The following DPF2 variants were observed in gnomAD, a reference collection of about 807,000 sequenced individuals.
DPF2 encodes zinc finger protein ubi-d4.
In DPF2, 10 loss-of-function variants were observed where a neutral mutation model predicts 59.6. That is an observed-to-expected ratio of 0.17 (90% CI 0.10 to 0.28). DPF2 has a LOEUF of 0.28. DPF2 is among the 10% of genes least tolerant of loss of function. The pLI, the probability that DPF2 is intolerant of heterozygous loss-of-function variation, is 1.00. For missense variants in DPF2, 315 were observed against 509.4 expected (o/e 0.62, Z 3.67); for synonymous variants, 189 against 190.6 (o/e 0.99, Z 0.07).
intron 1 of DPF2, among the ~76,000 whole-genome samples, chr11:65,335,075 G>GT (rs1198760608): frequency 3.1e-3 from 77 of 24,562 alleles, no homozygotes; most frequent in South Asian, 5.8e-3. Context: ...TCCTCTTGTG[G>GT]TTTGTTTTTT....
chr11:65,345,418 G>T (rs1426758313), intron 6 of DPF2: 9 of 524,840 alleles, frequency 1.7e-5, no homozygotes, highest in East Asian at 1.6e-4. Flanking sequence ...AAGTCAACAT[G>T]GAAGAGCAGT....
chr11:65,343,549 G>T, intron 4 of DPF2, 196 bp from the exon 5 acceptor site: 1 of 591,470 alleles, frequency 1.7e-6, no homozygotes, highest in East Asian at 2.8e-5. Context: ...GTGAAGCACA[G>T]GGGAAAGATA....
At chr11:65,349,023 A>C in intron 10 of DPF2, 92 bp downstream of exon 10, 1 of 1,434,094 alleles carries the variant, frequency 7.0e-7, no homozygotes, top group Non-Finnish European at 9.7e-7. Context: ...TCACTTACAT[A>C]TTCTTCCAAA....
chr11:65,337,474 A>AAAAAAAAT (rs1555029114), intron 1 of DPF2, among the ~76,000 whole-genome samples: 1 of 46,480 alleles, frequency 2.2e-5, no homozygotes, highest in African/African-American at 9.8e-5. Context: ...AAAAAAAAAA[A>AAAAAAAAT]ATATATATAT....
rs555296733 is a variant in DPF2, at chr11:65,351,982, G to A, written c.*223G>A. On this transcript the variant is annotated 3_prime_UTR_variant, in exon 11 of 11. Coordinates refer to ENST00000528416, the MANE Select transcript of DPF2 (RefSeq NM_006268.5). ...AAGGAGCAACACACTGCCCCTAGGC[G>A]TGCGTGTGGCCCAGTTTCTCTCTGC... is the stretch of plus-strand genomic sequence containing the variant. 1.7e-5 allele frequency: 10 copies of A among 580,264 alleles called. No individual in the cohort carries two copies. Among genetic ancestry groups the A allele is most frequent in the South Asian group, 6.1e-5 (3 of 48,984 alleles). 35.9% of individuals were successfully genotyped at this position (580,264 alleles called of 1,614,324 possible). A position where few individuals can be genotyped will look rare whatever the true frequency, so the allele number is the denominator to read the frequency against.
chr11:65,336,124 A>G (rs892053652), intron 1 of DPF2, among the ~76,000 whole-genome samples: 4 of 151,964 alleles, frequency 2.6e-5, no homozygotes, highest in Non-Finnish European at 4.4e-5. Flanking sequence ...CTCATCTTGT[A>G]TGACTTGCAT....
chr11:65,350,425 A>G (rs560099666), intron 10 of DPF2, among the ~76,000 whole-genome samples: 3 of 125,410 alleles, frequency 2.4e-5, no homozygotes, highest in African/African-American at 9.5e-5. Context: ...CCCATGTTGG[A>G]GTGGAGTGGC....
At chr11:65,346,091 C>T in intron 8 of DPF2, 33 bp downstream of exon 8, 1 of 1,613,148 alleles carries the variant, frequency 6.2e-7, no homozygotes, top group Non-Finnish European at 8.5e-7. Flanking sequence ...CTGCTTTGCC[C>T]AGTCCCCAAG....
chr11:65,347,142 G>T (rs1854558569), intron 9 of DPF2: 1 of 150,092 alleles, frequency 6.7e-6, no homozygotes, highest in Non-Finnish European at 1.5e-5. Flanking sequence ...AGCCTCCCAA[G>T]TAGCTGGGAT....
At chr11:65,344,930 G>T in intron 6 of DPF2, 1 of 372,014 alleles carries the variant, frequency 2.7e-6, no homozygotes, top group Non-Finnish European at 4.8e-6. Context: ...GGCAGCTGGT[G>T]GTCAGCTCAT....
chr11:65,337,401 C>T (rs1403109028), intron 1 of DPF2, among the ~76,000 whole-genome samples: 2 of 136,960 alleles, frequency 1.5e-5, no homozygotes, highest in Non-Finnish European at 3.0e-5. Context: ...TGCAGTGAGC[C>T]GAGATTGCAC....
In DPF2 at chr11:65,340,885, G is replaced by C; in HGVS notation, c.194-81G>C. ...TCCCTTGCTCTAGAACTCAAAGGGGGGCCTACTTAATTAGAAAGTGTTTGG... is the reference window on the plus strand; with the variant it reads ...TCCCTTGCTCTAGAACTCAAAGGGGCGCCTACTTAATTAGAAAGTGTTTGG... On this transcript the variant is annotated intron_variant, in intron 2 of 10. Transcript: ENST00000528416. 2.2e-6 allele frequency: 3 copies of C among 1,369,304 alleles called. No individual in the cohort carries two copies. The South Asian group carries it at 3.9e-5, about 18-fold the overall frequency. 84.8% of individuals were successfully genotyped at this position (1,369,304 alleles called of 1,614,324 possible). A position where few individuals can be genotyped will look rare whatever the true frequency, so the allele number is the denominator to read the frequency against.
intron 1 of DPF2, among the ~76,000 whole-genome samples, chr11:65,337,978 A>G (rs2137686423): frequency 6.6e-6 from 1 of 151,954 alleles, no homozygotes; most frequent in Non-Finnish European, 1.5e-5. Flanking sequence ...CTAATTTTGT[A>G]TTTTTAGTAG....
chr11:65,334,558 A>G (rs1950071242), intron 1 of DPF2, among the ~76,000 whole-genome samples: 1 of 152,240 alleles, frequency 6.6e-6, no homozygotes, highest in South Asian at 2.1e-4. Context: ...AACTGGACCG[A>G]AGCCGTTCAG....
rs1261730529 is a variant in DPF2, at chr11:65,343,718, C to T, written c.466-27C>T. 3.8e-6 allele frequency: 6 copies of T among 1,568,270 alleles called. No homozygotes were observed. The African/African-American group carries it at 4.1e-5, about 11-fold the overall frequency. ...GAGCTTTTGGATGCACATATTTCTA[C>T]CCATGCTAACCCTCCTGTCCACTCA... On this transcript the variant is annotated intron_variant, in intron 4 of 10. Coordinates refer to ENST00000528416, the MANE Select transcript of DPF2 (RefSeq NM_006268.5).
chr11:65,345,531 C>A, intron 6 of DPF2, 135 bp from the exon 7 acceptor site: 1 of 1,280,856 alleles, frequency 7.8e-7, no homozygotes, highest in Non-Finnish European at 1.1e-6. Context: ...TCACTCAAGG[C>A]CTGTCCCAGA....
Position 65,345,763 on chromosome 11 carries a change from A to G in DPF2, c.735A>G (p.Gln245=), listed in dbSNP as rs778963899. The G allele has an allele frequency of 3.0e-5, 49 of 1,613,938 alleles. No individual in the cohort carries two copies. The South Asian group carries it at 3.4e-4, about 11-fold the overall frequency. Residue 245 remains glutamine (Q), a synonymous_variant, in exon 7 of 11, where the codon CAA becomes CAG. Coordinates refer to ENST00000528416, the MANE Select transcript of DPF2 (RefSeq NM_006268.5). ...AGGGCGAGGACAAGGAAGACTCTCAACCACCCACTCCTGTTTCCCAGAGGT... is the reference window on the plus strand; with the variant it reads ...AGGGCGAGGACAAGGAAGACTCTCAGCCACCCACTCCTGTTTCCCAGAGGT... ...EEEGEDKEDS[Q]PPTPVSQRSE...
chr11:65,344,431 G>C, intron 6 of DPF2: 1 of 715,982 alleles, frequency 1.4e-6, no homozygotes, highest in Non-Finnish European at 2.3e-6. Context: ...TTTTCTTTCT[G>C]TCTGCCTTGC....
In DPF2 at chr11:65,346,275, C is replaced by A. The variant is rs770082049; in HGVS notation, c.933C>A (p.Pro311=). ...SGHPSCLQFT[P]VMMAAVKTYR... Reference sequence around the variant, plus strand: ...ATCCATCTTGCCTCCAATTTACCCCCGTGATGATGGCGGCAGTGAAGACAT... The same window carrying A: ...ATCCATCTTGCCTCCAATTTACCCCAGTGATGATGGCGGCAGTGAAGACAT... The change falls in exon 9 of 11, where the codon CCC becomes CCA. Residue 311 remains proline, a synonymous_variant. Transcript: ENST00000528416. 1 of 1,614,132 alleles carries A rather than the reference C, an allele frequency of 6.2e-7. No individual in the cohort carries two copies. The highest frequency in any genetic ancestry group is 8.5e-7 in the Non-Finnish European group (1 of 1,180,034).
Sources: allele counts gnomAD v4.1 joint callset (sites outside exome capture counted in the v4.1 genomes callset), GRCh38; gene constraint gnomAD v4.1.1; transcripts MANE v1.5; gene names NCBI Gene and HGNC (gene_info 2026-07-23, HGNC 2026-07-21).